ALDH4A1: variants seen among roughly 807,000 people sequenced by gnomAD.
ALDH4A1 encodes the protein aldehyde dehydrogenase 4 family member A1.
Under a neutral mutation model 70.5 loss-of-function variants are expected in ALDH4A1, and 46 were observed. The ratio of observed to expected loss-of-function variants is 0.65; its 90% CI spans 0.51 to 0.83. The LOEUF (loss-of-function observed/expected upper bound fraction) is 0.83. Ranked by LOEUF, ALDH4A1 falls within the 40% of genes least tolerant of loss-of-function variation. The probability of loss-of-function intolerance (pLI) is 0.00; values close to 1 mark genes in which losing one functional copy is unlikely to be tolerated. For synonymous variants in ALDH4A1, 323 were observed against 324.3 expected, an observed-to-expected ratio of 1.00 and a Z score of 0.04; for missense variants, 749 against 766.5, an observed-to-expected ratio of 0.98 and a Z score of 0.27.
chr1:18,888,118 C>T (rs150012946), intron 3 of ALDH4A1, among the ~76,000 whole-genome samples: 1 of 152,232 alleles, frequency 6.6e-6, no homozygotes, highest in Admixed American at 6.5e-5. Flanking sequence ...CCACACGTGG[C>T]GGCTCATGGC....
chr1:18,889,291 T>C lies in ALDH4A1; in HGVS notation c.249+71A>G, dbSNP rs961624096. On this transcript the variant is annotated intron_variant, in intron 3 of 14. Coordinates refer to ENST00000375341, the MANE Select transcript of ALDH4A1 (RefSeq NM_003748.4). ...AAGTCAGAGCCCACACATTATAAGC[T>C]TACGAGCTGTCAGAGAAAGAGGTCA... The C allele has an allele frequency of 2.2e-5, 31 of 1,385,148 alleles. No homozygotes were observed. The African/African-American group carries it at 4.5e-4, about 20-fold the overall frequency. The allele number at this position is 1,385,148 out of a possible 1,614,324, so 85.8% of individuals were successfully genotyped here.
intron 1 of ALDH4A1, among the ~76,000 whole-genome samples, chr1:18,891,775 C>A (rs1048222771): frequency 5.3e-5 from 8 of 152,184 alleles, no homozygotes; most frequent in Admixed American, 1.3e-4. Flanking sequence ...CACCTGTAAT[C>A]ACAGGACTTT....
At chr1:18,889,584 G>A (rs961990164) in intron 2 of ALDH4A1, 130 bp from the exon 3 acceptor site, 11 of 809,676 alleles carry the variant, frequency 1.4e-5, no homozygotes, top group East Asian at 5.4e-5. Flanking sequence ...AGGCCAGGTC[G>A]GTGGCCATCA....
chr1:18,893,298 T>C (rs1935505838), intron 1 of ALDH4A1, among the ~76,000 whole-genome samples: 2 of 152,150 alleles, frequency 1.3e-5, no homozygotes, highest in East Asian at 1.9e-4. Flanking sequence ...AAGAGAAAAA[T>C]AGCTCAGAGC....
chr1:18,883,012 G>T, intron 7 of ALDH4A1, 112 bp downstream of exon 7: 1 of 1,419,122 alleles, frequency 7.0e-7, no homozygotes, highest in Non-Finnish European at 9.9e-7. Context: ...CACCTTCTGT[G>T]CCTCTCCCCA....
intron 1 of ALDH4A1, among the ~76,000 whole-genome samples, chr1:18,894,178 C>G (rs1209997691): frequency 6.6e-6 from 1 of 152,158 alleles, no homozygotes; most frequent in African/African-American, 2.4e-5. Flanking sequence ...AAAATCACAG[C>G]CTCGGGGACT....
chr1:18,877,205 T>C lies in ALDH4A1; in HGVS notation c.1185+3A>G, dbSNP rs1329815595. 1 of 1,607,958 alleles carries C rather than the reference T, an allele frequency of 6.2e-7. No individual in the cohort carries two copies. Among genetic ancestry groups the C allele is most frequent in the African/African-American group, 1.3e-5 (1 of 74,654 alleles). Reference sequence around the variant, plus strand: ...CCAGGAACGCCCACTTCCCACCCCGTACCTTGGCATCAATCACTGCAGAGA... The same window carrying C: ...CCAGGAACGCCCACTTCCCACCCCGCACCTTGGCATCAATCACTGCAGAGA... On this transcript the variant is annotated splice_donor_region_variant and intron_variant, in intron 11 of 14. Transcript: ENST00000375341.
At chr1:18,900,799 C>A in intron 1 of ALDH4A1, 1 of 943,820 alleles carries the variant, frequency 1.1e-6, no homozygotes, top group Non-Finnish European at 1.3e-6. Flanking sequence ...TGGATTTAGA[C>A]CAAATGTAAT....
chr1:18,893,813 T>C (rs1935526137), intron 1 of ALDH4A1, among the ~76,000 whole-genome samples: 1 of 152,204 alleles, frequency 6.6e-6, no homozygotes, highest in African/African-American at 2.4e-5. Flanking sequence ...CGGTAGCTTA[T>C]ATTATTTTAA....
chr1:18,885,190 C>G, intron 5 of ALDH4A1: 1 of 493,174 alleles, frequency 2.0e-6, no homozygotes, highest in Non-Finnish European at 3.7e-6. Context: ...CAGGCCACCA[C>G]CAGTCCAGGC....
chr1:18,899,690 A>G (rs1935736683), intron 1 of ALDH4A1, among the ~76,000 whole-genome samples: 1 of 152,222 alleles, frequency 6.6e-6, no homozygotes, highest in South Asian at 2.1e-4. Context: ...CCTACATCAT[A>G]GGTTGCTGAG....
In ALDH4A1 at chr1:18,890,021, G is replaced by C; in HGVS notation, c.147C>G (p.Ala49=). The C allele has an allele frequency of 6.2e-7, 1 of 1,608,448 alleles. No homozygotes were observed. Reference sequence around the variant, plus strand: ...CCCACCCTCCCATTACCTTTTGCAGGGCATCTCGCTCAGGGCTGCCCTGCG... The same window carrying C: ...CCCACCCTCCCATTACCTTTTGCAGCGCATCTCGCTCAGGGCTGCCCTGCG... The part of the protein sequence containing the change: ...AFTQGSPERD[A]LQKALKDLKG... Residue 49 remains alanine, a synonymous_variant, in exon 2 of 15, where the codon GCC becomes GCG. Transcript: ENST00000375341.
At chr1:18,892,182 C>T (rs911957368) in intron 1 of ALDH4A1, among the ~76,000 whole-genome samples, 2 of 152,110 alleles carry the variant, frequency 1.3e-5, no homozygotes, top group African/African-American at 4.8e-5. Flanking sequence ...CAGAAGGAGT[C>T]TGGGGCTCAA....
chr1:18,901,445 G>T (rs1557631591), intron 1 of ALDH4A1, among the ~76,000 whole-genome samples: 1 of 152,188 alleles, frequency 6.6e-6, no homozygotes, highest in African/African-American at 2.4e-5. Context: ...AATGGGAGGG[G>T]GGGCTGATCC....
At chr1:18,877,183 G>T in intron 11 of ALDH4A1, 25 bp downstream of exon 11, 1 of 1,604,226 alleles carries the variant, frequency 6.2e-7, no homozygotes, top group East Asian at 2.3e-5. Context: ...CCCCCACCCA[G>T]GAACGCCCAC....
rs542189193 is a variant in ALDH4A1, at chr1:18,877,284, C to T, written c.1138-29G>A. 1.3e-5 allele frequency: 21 copies of T among 1,594,480 alleles called. No homozygotes were observed. The Admixed American group carries it at 2.2e-4, about 17-fold the overall frequency. ...GAGGCAAGGGAGGCGCCAGAAGAGA[C>T]GAGTCACTGCAGGCCGAGACCAAGG... On this transcript the variant is annotated intron_variant, in intron 10 of 14. Transcript: ENST00000375341.
At chr1:18,875,526 A>G in intron 12 of ALDH4A1, 23 bp from the exon 13 acceptor site, 1 of 1,613,848 alleles carries the variant, frequency 6.2e-7, no homozygotes. Context: ...CCCCGGCGTC[A>G]GACCCTCCAC....
chr1:18,899,985 G>T (rs1208588807), intron 1 of ALDH4A1, among the ~76,000 whole-genome samples: 1 of 152,162 alleles, frequency 6.6e-6, no homozygotes, highest in African/African-American at 2.4e-5. Flanking sequence ...ATGGGCAGAT[G>T]AGCTTGTTTC....
At chr1:18,894,645 A>G (rs1273415028) in intron 1 of ALDH4A1, among the ~76,000 whole-genome samples, 5 of 152,080 alleles carry the variant, frequency 3.3e-5, no homozygotes, top group South Asian at 2.1e-4. Flanking sequence ...CTCCTTCCAC[A>G]GGGCAGAGGC....
Sources: gnomAD v4.1 joint callset for allele counts (sites outside exome capture counted in the v4.1 genomes callset) on GRCh38, gnomAD v4.1.1 for gene constraint, MANE v1.5 for transcripts, NCBI Gene and HGNC (gene_info 2026-07-23, HGNC 2026-07-21) for gene names.